The following ROR2 variants were observed in gnomAD, a reference collection of about 807,000 sequenced individuals.
ROR2 encodes the protein tyrosine-protein kinase transmembrane receptor ROR2.
Under a neutral mutation model 74.9 loss-of-function variants are expected in ROR2, and 33 were observed. That is an observed-to-expected ratio of 0.44 (90% CI 0.33 to 0.59). The LOEUF (loss-of-function observed/expected upper bound fraction) is 0.59. Among genes scored for constraint, ROR2 ranks in the 20% least tolerant of loss-of-function variants. The pLI is 0.02. For synonymous variants in ROR2, 586 were observed against 558.7 expected (o/e 1.05, Z -0.69); for missense variants, 1,216 against 1,313.8 (o/e 0.93, Z 1.15).
chr9:91,839,034 A>G lies in ROR2; in HGVS notation c.98-63216T>C, dbSNP rs142888280. Among the ~76,000 whole-genome samples, 424 of 152,306 alleles carry G rather than the reference A, an allele frequency of 2.8e-3. 4 individuals are homozygous for G. The highest frequency in any genetic ancestry group is 9.1e-3 in the African/African-American group (380 of 41,580). ...TCAAAAATGGCATTAAAATAAAGAC[A>G]CAAAAAGCACACACTACACAACATG... On this transcript the variant is annotated intron_variant, in intron 1 of 8. Transcript: ENST00000375708.
chr9:91,777,620 C>T (rs7021529), intron 1 of ROR2, among the ~76,000 whole-genome samples: 70,827 of 151,788 alleles, frequency 0.47, 19,327 homozygotes, highest in African/African-American at 0.77. Flanking sequence ...GGTTGTGCAA[C>T]GATCACCACT....
chr9:91,852,651 C>CACACACACA (rs1231343818), intron 1 of ROR2, among the ~76,000 whole-genome samples: 8,726 of 142,964 alleles, frequency 0.061, 310 homozygotes, highest in African/African-American at 0.072. Flanking sequence ...ACACACACAC[C>CACACACACA]CACACACACA....
intron 1 of ROR2, among the ~76,000 whole-genome samples, chr9:91,911,336 T>C (rs571913845): frequency 5.6e-4 from 86 of 152,334 alleles, no homozygotes; most frequent in African/African-American, 1.9e-3. Flanking sequence ...TACAGCTTAC[T>C]ACACACCTGC....
Position 91,731,015 on chromosome 9 carries a change from C to G in ROR2, c.1078G>C (p.Gly360Arg), listed in dbSNP as rs551087221. ...GGGTTCCGGCAGTAGGCGTGCCCCC[C>G]TCCAAGCTCAGGGAAGTCTGTGCTG... ...LSSTDFPELG[G>R]GHAYCRNPGG... is the part of the protein sequence containing the mutation. The change falls in exon 7 of 9, where the codon GGG becomes CGG. Residue 360 changes from glycine (G) to arginine (R), a missense_variant. By Grantham distance (125) the Gly-to-Arg change is moderately radical. Transcript: ENST00000375708. The G allele has an allele frequency of 1.2e-6, 2 of 1,614,224 alleles. No individual in the cohort carries two copies. The highest frequency in any genetic ancestry group is 1.3e-5 in the African/African-American group (1 of 75,062).
intron 4 of ROR2, among the ~76,000 whole-genome samples, chr9:91,748,672 C>A (rs1397139034): frequency 6.6e-6 from 1 of 152,182 alleles, no homozygotes; most frequent in African/African-American, 2.4e-5. Flanking sequence ...AATCAATGAA[C>A]CACCTGGAAA....
intron 1 of ROR2, among the ~76,000 whole-genome samples, chr9:91,843,310 G>C (rs1194746449): frequency 6.6e-6 from 1 of 152,222 alleles, no homozygotes; most frequent in Non-Finnish European, 1.5e-5. Flanking sequence ...AAAGTCAGTG[G>C]GGTCTGAGCC....
chr9:91,884,710 T>C lies in ROR2; in HGVS notation c.97+65157A>G, dbSNP rs576204274. Among the ~76,000 whole-genome samples, 172 of 152,236 alleles carry C rather than the reference T, an allele frequency of 1.1e-3. 1 individual carries two copies. Among genetic ancestry groups the C allele is most frequent in the African/African-American group, 3.9e-3 (161 of 41,540 alleles). Reference sequence around the variant, plus strand: ...CACATCCTGCGGGCTGTCATACACATTCAAGACTCTTCCCATCCACAGACC... The same window carrying C: ...CACATCCTGCGGGCTGTCATACACACTCAAGACTCTTCCCATCCACAGACC... On this transcript the variant is annotated intron_variant, in intron 1 of 8. Transcript: ENST00000375708.
In ROR2 at chr9:91,938,338, C is replaced by T. The variant is rs79361055; in HGVS notation, c.97+11529G>A. Reference sequence around the variant, plus strand: ...GTTAGCCAGATGTTGGTAGCTAATCCCAGCTACTCGGGAGGCTGAGGCAGA... The same window carrying T: ...GTTAGCCAGATGTTGGTAGCTAATCTCAGCTACTCGGGAGGCTGAGGCAGA... On this transcript the variant is annotated intron_variant, in intron 1 of 8. Transcript: ENST00000375708. Among the ~76,000 whole-genome samples, 1,505 of 152,258 alleles carry T rather than the reference C, an allele frequency of 9.9e-3. 23 individuals carry two copies. The highest frequency in any genetic ancestry group is 0.034 in the African/African-American group (1,406 of 41,540).
chr9:91,842,972 C>T (rs1828827913), intron 1 of ROR2, among the ~76,000 whole-genome samples: 1 of 152,226 alleles, frequency 6.6e-6, no homozygotes, highest in Non-Finnish European at 1.5e-5. Context: ...GCACGTGAGC[C>T]CCTCAGATGG....
At chr9:91,764,589 A>ACACACACACAC (rs1564260353) in intron 2 of ROR2, among the ~76,000 whole-genome samples, 1 of 145,392 alleles carries the variant, frequency 6.9e-6, no homozygotes, top group African/African-American at 2.6e-5. Flanking sequence ...CACACACACC[A>ACACACACACAC]CACACATTGA....
chr9:91,856,104 C>CT (rs1337376554), intron 1 of ROR2, among the ~76,000 whole-genome samples: 2 of 152,228 alleles, frequency 1.3e-5, no homozygotes, highest in Non-Finnish European at 2.9e-5. Context: ...TGGCTCAAGC[C>CT]TGTAATCCCA....
intron 1 of ROR2, among the ~76,000 whole-genome samples, chr9:91,873,014 A>C (rs1388138779): frequency 6.6e-6 from 1 of 152,232 alleles, no homozygotes; most frequent in Non-Finnish European, 1.5e-5. Flanking sequence ...TCTTGGAGAC[A>C]TGACTATTTA....
intron 5 of ROR2, among the ~76,000 whole-genome samples, chr9:91,736,928 T>C (rs1316841708): frequency 1.3e-5 from 2 of 152,188 alleles, no homozygotes; most frequent in African/African-American, 2.4e-5. Context: ...CCCGCGACTC[T>C]TTCCCCAAAA....
intron 2 of ROR2, among the ~76,000 whole-genome samples, chr9:91,768,916 A>G (rs1056407829): frequency 2.0e-5 from 3 of 152,196 alleles, no homozygotes; most frequent in Non-Finnish European, 2.9e-5. Flanking sequence ...AGGGTCCCCT[A>G]CTTGGATCAA....
chr9:91,886,757 C>T (rs1830294283), intron 1 of ROR2: 1 of 152,240 alleles, frequency 6.6e-6, no homozygotes, highest in African/African-American at 2.4e-5. Flanking sequence ...TTGCAGGACT[C>T]AGGGGTGCTT....
intron 4 of ROR2, among the ~76,000 whole-genome samples, chr9:91,748,844 T>C (rs1032125360): frequency 1.3e-5 from 2 of 152,090 alleles, no homozygotes; most frequent in African/African-American, 2.4e-5. Flanking sequence ...CTGACCAACA[T>C]GGTGGAACCC....
rs1372611918 is a variant in ROR2 at position 91,757,491 on chromosome 9, G to T, written c.244C>A (p.His82Asn). 5 of 1,613,778 alleles carry T rather than the reference G, an allele frequency of 3.1e-6. No individual in the cohort carries two copies. In the South Asian group the frequency reaches 3.3e-5, roughly 11 times the overall value. The change falls in exon 3 of 9, where the codon CAC becomes AAC. Residue 82 changes from histidine (H) to asparagine (N), a missense_variant. Physicochemically the swap from His to Asn is moderately conservative, Grantham distance 68 (BLOSUM62 1). Transcript: ENST00000375708. The part of the protein sequence containing the change: ...TIVQGQTAIL[H>N]CKVAGNPPPN... ...GGTGGGTTTCCTGCCACCTTGCAGTGCAGAATTGCCGTCTGGCCTTGGACA... is the reference window on the plus strand; with the variant it reads ...GGTGGGTTTCCTGCCACCTTGCAGTTCAGAATTGCCGTCTGGCCTTGGACA...
chr9:91,740,367 T>A (rs1825182849), intron 4 of ROR2, among the ~76,000 whole-genome samples: 1 of 151,918 alleles, frequency 6.6e-6, no homozygotes. Flanking sequence ...GCTAACACGG[T>A]GAAACCCCAT....
intron 1 of ROR2, among the ~76,000 whole-genome samples, chr9:91,802,676 T>TCC (rs59162272): frequency 0.049 from 7,507 of 151,958 alleles, 621 homozygotes; most frequent in African/African-American, 0.17. Flanking sequence ...CAGCAATGCC[T>TCC]CCCCTTCTGC....
Sources: gnomAD v4.1 joint callset for allele counts (sites outside exome capture counted in the v4.1 genomes callset) on GRCh38, gnomAD v4.1.1 for gene constraint, MANE v1.5 for transcripts, NCBI Gene and HGNC (gene_info 2026-07-23, HGNC 2026-07-21) for gene names.